The following CNTLN variants were observed in gnomAD, a reference collection of about 807,000 sequenced individuals.
CNTLN encodes the protein centlein, also known as centlein, centrosomal protein.
A neutral mutation model predicts 180.0 loss-of-function variants in CNTLN; 212 were observed. The ratio of observed to expected loss-of-function variants is 1.18; its 90% confidence interval spans 1.05 to 1.32. The LOEUF (loss-of-function observed/expected upper bound fraction) is 1.32. Among genes scored for constraint, CNTLN ranks in the 40% most tolerant of loss-of-function variants. The probability of loss-of-function intolerance (pLI) is 0.00; values close to 1 mark genes in which losing one functional copy is unlikely to be tolerated. For missense variants in CNTLN, 2,095 were observed against 1,610.9 expected, an observed-to-expected ratio of 1.30 and a Z score of -5.14; for synonymous variants, 722 against 563.1, an observed-to-expected ratio of 1.28 and a Z score of -3.99.
intron 15 of CNTLN, among the ~76,000 whole-genome samples, chr9:17,398,107 G>C (rs376274932): frequency 2.0e-5 from 3 of 152,062 alleles, no homozygotes; most frequent in Non-Finnish European, 4.4e-5. Flanking sequence ...TAGTTGAATA[G>C]TATTTACAAG....
intron 13 of CNTLN, among the ~76,000 whole-genome samples, chr9:17,370,850 G>C (rs1390343825): frequency 6.6e-6 from 1 of 152,066 alleles, no homozygotes; most frequent in African/African-American, 2.4e-5. Context: ...TATGCAAGCA[G>C]TGTTGTTAAT....
chr9:17,522,488 A>G, the CNTLN span, among the ~76,000 whole-genome samples: 1 of 152,142 alleles, frequency 6.6e-6, no homozygotes, highest in African/African-American at 2.4e-5. Context: ...ATGAAATCCC[A>G]TCATACCTCA....
intron 13 of CNTLN, among the ~76,000 whole-genome samples, chr9:17,376,690 A>T (rs1824801360): frequency 6.6e-6 from 1 of 152,030 alleles, no homozygotes; most frequent in Non-Finnish European, 1.5e-5. Context: ...TGACCTCGTA[A>T]TCTGCCCACT....
intron 14 of CNTLN, among the ~76,000 whole-genome samples, chr9:17,390,493 C>T (rs1387376548): frequency 2.0e-5 from 3 of 152,010 alleles, no homozygotes; most frequent in African/African-American, 7.2e-5. Context: ...ATCTGCCTGT[C>T]TCAGCCTCCC....
At chr9:17,485,859 A>T (rs1304740997) in intron 24 of CNTLN, among the ~76,000 whole-genome samples, 1 of 152,140 alleles carries the variant, frequency 6.6e-6, no homozygotes, top group East Asian at 1.9e-4. Context: ...TGAATGAGCA[A>T]ATCAGAAAGG....
intron 13 of CNTLN, among the ~76,000 whole-genome samples, chr9:17,376,421 C>G (rs1212531655): frequency 2.0e-5 from 3 of 151,606 alleles, no homozygotes; most frequent in Admixed American, 1.3e-4. Context: ...ATATAACCAT[C>G]TCTTTTTTTT....
chr9:17,388,627 A>G (rs1825866436), intron 14 of CNTLN, among the ~76,000 whole-genome samples: 1 of 152,016 alleles, frequency 6.6e-6, no homozygotes, highest in Non-Finnish European at 1.5e-5. Flanking sequence ...TTGATCTAAA[A>G]TACTGAGCAT....
chr9:17,273,758 C>T lies in CNTLN; in HGVS notation c.875C>T (p.Ala292Val). The change falls in exon 6 of 26, where the codon GCA becomes GTA. Residue 292 changes from alanine to valine, a missense_variant. By Grantham distance (64) the Ala-to-Val change is moderately conservative. Coordinates refer to ENST00000380647, the MANE Select transcript of CNTLN (RefSeq NM_017738.4). ...IKTFEDNLIE[A>V]RKEVEVSQSK... The stretch of plus-strand genomic sequence containing the variant: ...ACCTTTGAAGACAATTTAATTGAAG[C>T]AAGGAAAGAAGTTGAAGTATCACAG... 3 of 1,535,984 alleles carry T rather than the reference C, an allele frequency of 2.0e-6. No individual in the cohort carries two copies. Among genetic ancestry groups the T allele is most frequent in the Non-Finnish European group, 2.6e-6 (3 of 1,142,288 alleles).
chr9:17,431,633 G>GT (rs1829424751), intron 18 of CNTLN, among the ~76,000 whole-genome samples: 1 of 152,022 alleles, frequency 6.6e-6, no homozygotes, highest in African/African-American at 2.4e-5. Context: ...GCCCTGAAGT[G>GT]TTTTTTCCCA....
chr9:17,455,996 A>G (rs1588037988), intron 18 of CNTLN, among the ~76,000 whole-genome samples: 1 of 152,146 alleles, frequency 6.6e-6, no homozygotes, highest in East Asian at 1.9e-4. Flanking sequence ...AAGTTGTATA[A>G]AAGGTGGAAT....
intron 11 of CNTLN, 122 bp downstream of exon 11, chr9:17,341,070 T>C (rs530627545): frequency 1.2e-5 from 10 of 850,578 alleles, no homozygotes; most frequent in South Asian, 3.5e-5. Flanking sequence ...CAAATCTTTA[T>C]TGTGAATTTT....
intron 18 of CNTLN, 104 bp downstream of exon 18, chr9:17,416,293 G>A: frequency 1.0e-6 from 1 of 973,998 alleles, no homozygotes; most frequent in South Asian, 1.9e-5. Context: ...GCAGGTCTAT[G>A]AGTTTTAAAA....
rs369729227 is a variant in CNTLN at position 17,312,364 on chromosome 9, T to TATATATA, written c.1341+3112_1341+3113insATATATA. Among the ~76,000 whole-genome samples, 86 of 20,154 alleles carry TATATATA rather than the reference T, an allele frequency of 4.3e-3. 1 individual carries two copies. Among genetic ancestry groups the TATATATA allele is most frequent in the Non-Finnish European group, 6.8e-3 (47 of 6,958 alleles). The allele number at this position is 20,154 out of a possible 152,430, so 13.2% of individuals were successfully genotyped here. A position where few individuals can be genotyped will look rare whatever the true frequency, so the allele number is the denominator to read the frequency against. ...GTATTTATATATATATATATATATATTATATATATATATATATATAATTTA... is the reference window on the plus strand; with the variant it reads ...GTATTTATATATATATATATATATATATATATATATATATATATATATATATAATTTA... On this transcript the variant is annotated intron_variant, in intron 8 of 25. Transcript: ENST00000380647.
Position 17,273,726 on chromosome 9 carries a change from A to G in CNTLN, c.850-7A>G. 3 of 1,465,456 alleles carry G rather than the reference A, an allele frequency of 2.0e-6. No individual in the cohort carries two copies. The allele number at this position is 1,465,456 out of a possible 1,614,324, so 90.8% of individuals were successfully genotyped here. ...TTTGATTATTGATATAAGCACTCTA[A>G]TTTTAGACCTTTGAAGACAATTTAA... is the stretch of plus-strand genomic sequence containing the variant. On this transcript the variant is annotated splice_region_variant and splice_polypyrimidine_tract_variant and intron_variant, in intron 5 of 25. Transcript: ENST00000380647.
At chr9:17,321,882 C>T (rs117227858) in intron 8 of CNTLN, among the ~76,000 whole-genome samples, 1,686 of 152,104 alleles carry the variant, frequency 0.011, 18 homozygotes, top group Middle Eastern at 0.02. Flanking sequence ...CAATCTTATA[C>T]TTTCTCTAGG....
At chr9:17,188,577 A>C (rs1821582071) in intron 2 of CNTLN, among the ~76,000 whole-genome samples, 2 of 152,172 alleles carry the variant, frequency 1.3e-5, no homozygotes, top group Non-Finnish European at 2.9e-5. Flanking sequence ...ATTTCAGTGA[A>C]AGGATCTTAG....
At chr9:17,143,243 A>T in intron 1 of CNTLN, 45 bp from the exon 2 acceptor site, 1 of 1,322,530 alleles carries the variant, frequency 7.6e-7, no homozygotes, top group Non-Finnish European at 1.1e-6. Flanking sequence ...TTATTTCACT[A>T]CCACTACAAA....
chr9:17,222,140 C>G (rs923951177), intron 2 of CNTLN, among the ~76,000 whole-genome samples: 1 of 152,004 alleles, frequency 6.6e-6, no homozygotes, highest in African/African-American at 2.4e-5. Flanking sequence ...CAAAAACAAA[C>G]TCTTGTGATC....
intron 1 of CNTLN, among the ~76,000 whole-genome samples, chr9:17,141,486 A>C (rs1818090018): frequency 6.6e-6 from 1 of 152,140 alleles, no homozygotes; most frequent in African/African-American, 2.4e-5. Flanking sequence ...AGAGTAAGAA[A>C]GTCTGTGTGA....
Sources: gnomAD v4.1 joint callset for allele counts (sites outside exome capture counted in the v4.1 genomes callset) on GRCh38, gnomAD v4.1.1 for gene constraint, MANE v1.5 for transcripts, NCBI Gene and HGNC (gene_info 2026-07-23, HGNC 2026-07-21) for gene names.